Variants in PLCB1 observed in about 807,000 individuals in gnomAD.
PLCB1 encodes the protein 1-phosphatidylinositol 4,5-bisphosphate phosphodiesterase beta-1.
A neutral mutation model predicts 161.8 loss-of-function variants in PLCB1; 46 were observed. The observed-to-expected ratio is 0.28, with a 90% confidence interval of 0.22 to 0.36. The LOEUF (loss-of-function observed/expected upper bound fraction) is 0.36, where lower values mean the gene tolerates loss of function less well. Among genes scored for constraint, PLCB1 ranks in the 10% least tolerant of loss-of-function variants. The probability of loss-of-function intolerance (pLI) is 1.00; values close to 1 mark genes in which losing one functional copy is unlikely to be tolerated. For synonymous variants in PLCB1, 517 were observed against 503.7 expected, an observed-to-expected ratio of 1.03 and a Z score of -0.35; for missense variants, 1,016 against 1,472.5, an observed-to-expected ratio of 0.69 and a Z score of 5.07.
In PLCB1 at chr20:8,302,519, A is replaced by G. The variant is rs190125929; in HGVS notation, c.178-68863A>G. On this transcript the variant is annotated intron_variant, in intron 2 of 31. Coordinates refer to ENST00000338037, the MANE Select transcript of PLCB1 (RefSeq NM_015192.4). ...AATTATACTTTATCTAATGTCAGGA[A>G]TCAGTGTTGTGCTTTAGCTATTTAA... Among the ~76,000 whole-genome samples, 360 of 152,330 alleles carry G rather than the reference A, an allele frequency of 2.4e-3. 2 individuals are homozygous for G. Among genetic ancestry groups the G allele is most frequent in the Non-Finnish European group, 3.8e-3 (260 of 68,024 alleles).
intron 2 of PLCB1, among the ~76,000 whole-genome samples, chr20:8,229,600 C>T (rs1224570198): frequency 6.6e-6 from 1 of 152,146 alleles, no homozygotes; most frequent in Admixed American, 6.5e-5. Flanking sequence ...CTATATTGGA[C>T]ATCACAGATA....
intron 3 of PLCB1, among the ~76,000 whole-genome samples, chr20:8,498,864 T>C (rs1252857895): frequency 1.3e-5 from 2 of 152,182 alleles, no homozygotes; most frequent in Non-Finnish European, 2.9e-5. Context: ...GCTGAGGGTA[T>C]CCTCAACTGA....
At chr20:8,621,957 A>G (rs1384743671) in intron 3 of PLCB1, among the ~76,000 whole-genome samples, 3 of 152,222 alleles carry the variant, frequency 2.0e-5, no homozygotes, top group African/African-American at 7.2e-5. Context: ...GTCACTAATT[A>G]GAAGAACTTG....
chr20:8,529,007 C>T (rs530744090), intron 3 of PLCB1, among the ~76,000 whole-genome samples: 20 of 151,932 alleles, frequency 1.3e-4, no homozygotes, highest in East Asian at 3.9e-4. Flanking sequence ...TCATTGTGGA[C>T]GGGTAGGTGG....
chr20:8,434,291 G>A (rs538354276), intron 3 of PLCB1, among the ~76,000 whole-genome samples: 2 of 141,328 alleles, frequency 1.4e-5, no homozygotes, highest in Admixed American at 1.4e-4. Flanking sequence ...ATGCCTATAT[G>A]TGTCCAACAT....
chr20:8,383,390 A>G (rs993341865), intron 3 of PLCB1, among the ~76,000 whole-genome samples: 2 of 151,934 alleles, frequency 1.3e-5, no homozygotes, highest in African/African-American at 4.8e-5. Flanking sequence ...TTGCTTGGTA[A>G]ATTTTCCTCC....
intron 3 of PLCB1, among the ~76,000 whole-genome samples, chr20:8,558,090 G>A (rs1359940840): frequency 6.6e-6 from 1 of 151,702 alleles, no homozygotes; most frequent in Non-Finnish European, 1.5e-5. Flanking sequence ...AAATGAATAA[G>A]ATCTAGTATA....
intron 3 of PLCB1, 50 bp from the exon 4 acceptor site, chr20:8,628,244 C>A (rs1160640559): frequency 1.1e-5 from 15 of 1,368,718 alleles, no homozygotes; most frequent in Non-Finnish European, 1.6e-5. Flanking sequence ...TATGCTATCA[C>A]GTTGGAATCT....
rs953242284 is a variant in PLCB1 at position 8,557,024 on chromosome 20, A to AT, written c.247-71270_247-71269insT. 1.4e-3 allele frequency among the ~76,000 whole-genome samples: 212 copies of AT among 149,366 alleles called. 2 individuals are homozygous for AT. The highest frequency in any genetic ancestry group is 4.9e-3 in the African/African-American group (197 of 40,560). On this transcript the variant is annotated intron_variant, in intron 3 of 31. Coordinates refer to ENST00000338037, the MANE Select transcript of PLCB1 (RefSeq NM_015192.4). ...TAAATAAATAAATAAAATAAATAAA[A>AT]AAAATAATAAAAATGGAAATAAAAC...
intron 2 of PLCB1, among the ~76,000 whole-genome samples, chr20:8,191,571 C>A (rs2051971513): frequency 6.6e-6 from 1 of 151,812 alleles, no homozygotes; most frequent in Non-Finnish European, 1.5e-5. Context: ...TACTACTATC[C>A]AGTTGTGGTG....
At chr20:8,168,507 A>G (rs920174519) in intron 2 of PLCB1, among the ~76,000 whole-genome samples, 1 of 152,126 alleles carries the variant, frequency 6.6e-6, no homozygotes, top group African/African-American at 2.4e-5. Flanking sequence ...GTGTTCTGAA[A>G]GAAGATCCCT....
chr20:8,229,914 G>T (rs532357585), intron 2 of PLCB1, among the ~76,000 whole-genome samples: 284 of 139,726 alleles, frequency 2.0e-3, no homozygotes, highest in African/African-American at 6.9e-3. Context: ...AATTTAGCCA[G>T]ATATGGGGAC....
rs138234823 is a variant in PLCB1, at chr20:8,303,089, A to G, written c.178-68293A>G. 3.3e-3 allele frequency among the ~76,000 whole-genome samples: 502 copies of G among 152,308 alleles called. 2 individuals are homozygous for G. Among genetic ancestry groups the G allele is most frequent in the African/African-American group, 0.011 (466 of 41,572 alleles). On this transcript the variant is annotated intron_variant, in intron 2 of 31. Coordinates refer to ENST00000338037, the MANE Select transcript of PLCB1 (RefSeq NM_015192.4). ...GAGGTAAGGAGTAGCCTTTCCTTGT[A>G]AAAGTAGAATTGATTCCATATTATA...
At position 8,422,481 on chromosome 20, in the gene PLCB1, A is replaced by G. The variant is rs548862059; in HGVS notation, c.246+51031A>G. Among the ~76,000 whole-genome samples, 14 of 152,330 alleles carry G rather than the reference A, an allele frequency of 9.2e-5. No individual in the cohort carries two copies. In the South Asian group the frequency reaches 2.9e-3, roughly 32 times the overall value. ...CCTTCTCAGGTATTAGAAATGGTCT[A>G]TATATTGATAGGGGTTACATGGGTC... is the stretch of plus-strand genomic sequence containing the variant. On this transcript the variant is annotated intron_variant, in intron 3 of 31. Transcript: ENST00000338037.
chr20:8,844,815 A>C (rs1397423512), intron 31 of PLCB1, among the ~76,000 whole-genome samples: 2 of 152,168 alleles, frequency 1.3e-5, no homozygotes, highest in Non-Finnish European at 2.9e-5. Flanking sequence ...CTACGGATTT[A>C]AAGTACTAGA....
Position 8,823,120 on chromosome 20 carries a change from CTTTTTTG to C in PLCB1, c.3423+32874_3423+32880del, listed in dbSNP as rs148082124. ...ACGGGCATATGCAAATACTACACCC[CTTTTTTG>C]TTTTTTGTTTTTTGAGACAGAGTCT... On this transcript the variant is annotated intron_variant, in intron 31 of 31. Transcript: ENST00000338037. Among the ~76,000 whole-genome samples, 938 of 152,198 alleles carry C rather than the reference CTTTTTTG, an allele frequency of 6.2e-3. 7 individuals are homozygous for C. The highest frequency in any genetic ancestry group is 0.022 in the African/African-American group (901 of 41,534).
chr20:8,312,981 A>C (rs1159555108), intron 2 of PLCB1, among the ~76,000 whole-genome samples: 2 of 152,356 alleles, frequency 1.3e-5, no homozygotes, highest in Non-Finnish European at 2.9e-5. Context: ...ACTTATGTTG[A>C]AAATGATGTC....
chr20:8,287,345 C>T (rs62195914), intron 2 of PLCB1, among the ~76,000 whole-genome samples: 3,413 of 152,080 alleles, frequency 0.022, 43 homozygotes, highest in African/African-American at 0.041. Flanking sequence ...TCTGGGATCA[C>T]GAATATTTAA....
In PLCB1 at chr20:8,438,814, C is replaced by G. The variant is rs185704894; in HGVS notation, c.246+67364C>G. On this transcript the variant is annotated intron_variant, in intron 3 of 31. Transcript: ENST00000338037. ...TCCTCACCCCAGGCCACAAGAAGAG[C>G]ATCTCCTCAGAAAGTGGCCACTGGT... is the stretch of plus-strand genomic sequence containing the variant. 4.5e-3 allele frequency among the ~76,000 whole-genome samples: 680 copies of G among 152,306 alleles called. 8 individuals carry two copies. Among genetic ancestry groups the G allele is most frequent in the African/African-American group, 0.015 (623 of 41,566 alleles).
Sources: gnomAD v4.1 joint callset for allele counts (sites outside exome capture counted in the v4.1 genomes callset) on GRCh38, gnomAD v4.1.1 for gene constraint, MANE v1.5 for transcripts, NCBI Gene and HGNC (gene_info 2026-07-23, HGNC 2026-07-21) for gene names.